PPP1R12A: variants seen among roughly 807,000 people sequenced by gnomAD.
PPP1R12A encodes protein phosphatase 1 regulatory subunit 12A, also known as myosin binding subunit.
In PPP1R12A, 19 loss-of-function variants were observed where a neutral mutation model predicts 139.6. The ratio of observed to expected loss-of-function variants is 0.14; its 90% CI spans 0.09 to 0.20. The LOEUF is 0.20. Among genes scored for constraint, PPP1R12A ranks in the 10% least tolerant of loss-of-function variants. The probability of loss-of-function intolerance (pLI) is 1.00; values close to 1 mark genes in which losing one functional copy is unlikely to be tolerated. For synonymous variants in PPP1R12A, 427 were observed against 420.6 expected (o/e 1.02, Z -0.19); for missense variants, 925 against 1,211.5 (o/e 0.76, Z 3.51).
chr12:79,819,571 T>C (rs1207468604), intron 8 of PPP1R12A: 1 of 152,214 alleles, frequency 6.6e-6, no homozygotes, highest in Non-Finnish European at 1.5e-5. Context: ...CATAGTTTAA[T>C]TTGTAATGAT....
chr12:79,795,520 T>C (rs1387886575), intron 18 of PPP1R12A, 118 bp downstream of exon 18: 4 of 1,089,714 alleles, frequency 3.7e-6, no homozygotes, highest in Non-Finnish European at 5.1e-6. Flanking sequence ...GAAAACACAG[T>C]GATGATTTAA....
chr12:79,855,658 C>T (rs1042366236), intron 2 of PPP1R12A, among the ~76,000 whole-genome samples: 1 of 151,662 alleles, frequency 6.6e-6, no homozygotes, highest in Non-Finnish European at 1.5e-5. Flanking sequence ...ACACTCCCAC[C>T]AGGTCTGGGA....
intron 1 of PPP1R12A, among the ~76,000 whole-genome samples, chr12:79,928,021 A>G (rs1244913174): frequency 6.6e-6 from 1 of 152,260 alleles, no homozygotes; most frequent in Non-Finnish European, 1.5e-5. Context: ...GGTAGTAACA[A>G]AACAACGTTT....
chr12:79,852,096 A>G (rs144650455), intron 2 of PPP1R12A, among the ~76,000 whole-genome samples: 10 of 152,042 alleles, frequency 6.6e-5, no homozygotes, highest in Non-Finnish European at 1.2e-4. Flanking sequence ...GATAATTTTA[A>G]TATCTGTTAT....
intron 2 of PPP1R12A, among the ~76,000 whole-genome samples, chr12:79,851,641 T>C (rs909045132): frequency 6.6e-6 from 1 of 152,242 alleles, no homozygotes; most frequent in Non-Finnish European, 1.5e-5. Context: ...AGGAGTTTGC[T>C]AGGTTTCTTA....
chr12:79,909,355 G>C (rs974935408), intron 1 of PPP1R12A, among the ~76,000 whole-genome samples: 2 of 152,102 alleles, frequency 1.3e-5, no homozygotes, highest in Non-Finnish European at 2.9e-5. Context: ...AAGTCTCAAA[G>C]ATGTTAATTC....
At chr12:79,900,154 G>A (rs192312075) in intron 1 of PPP1R12A, among the ~76,000 whole-genome samples, 1 of 152,196 alleles carries the variant, frequency 6.6e-6, no homozygotes, top group African/African-American at 2.4e-5. Context: ...TTTCCTGTTT[G>A]GATAAGCCAG....
intron 3 of PPP1R12A, among the ~76,000 whole-genome samples, 190 bp downstream of exon 3, chr12:79,845,112 T>G (rs1234382590): frequency 6.6e-6 from 1 of 152,198 alleles, no homozygotes; most frequent in Non-Finnish European, 1.5e-5. Flanking sequence ...TCTTTTAACT[T>G]TAAAAATACT....
At position 79,832,387 on chromosome 12, in the gene PPP1R12A, A is replaced by G. The variant is rs769041716; in HGVS notation, c.592T>C (p.Ser198Pro). ...GCAACGTGAAGTGCTGTACCTCCAG[A>G]TTTTGCATGCCGGACATCATTTATA... ...GHINDVRHAK[S>P]GGTALHVAAA... The change falls in exon 4 of 25, where the codon TCT becomes CCT. Residue 198 changes from serine to proline, a missense_variant. This residue lies in a region of PPP1R12A where 199 missense variants were observed against 352.4 expected (regional missense o/e 0.56). Transcript: ENST00000450142. The G allele has an allele frequency of 1.2e-6, 2 of 1,613,592 alleles. No individual in the cohort carries two copies. The highest frequency in any genetic ancestry group is 1.7e-6 in the Non-Finnish European group (2 of 1,179,678).
At chr12:79,848,773 TAAAC>T (rs901098565) in intron 2 of PPP1R12A, 2 of 151,990 alleles carry the variant, frequency 1.3e-5, no homozygotes, top group South Asian at 2.1e-4. Context: ...TAAATAATAA[TAAAC>T]AAAATCTCAC....
At chr12:79,800,733 C>CTT (rs34522404) in intron 14 of PPP1R12A, among the ~76,000 whole-genome samples, 6 of 137,106 alleles carry the variant, frequency 4.4e-5, no homozygotes, top group East Asian at 2.2e-4. Flanking sequence ...TCAAATGCTA[C>CTT]TTTTTTTTTT....
At chr12:79,789,731 A>G (rs1488564080) in intron 20 of PPP1R12A, 29 of 422,900 alleles carry the variant, frequency 6.9e-5, no homozygotes, top group South Asian at 5.0e-4. Flanking sequence ...AATCAAGGAT[A>G]TAGTGGAGGT....
chr12:79,802,275 C>G (rs552532880), intron 14 of PPP1R12A, among the ~76,000 whole-genome samples: 1 of 152,164 alleles, frequency 6.6e-6, no homozygotes, highest in African/African-American at 2.4e-5. Flanking sequence ...TCCTCCACCC[C>G]TGACCCATTT....
chr12:79,869,219 A>G (rs978683909), intron 2 of PPP1R12A, among the ~76,000 whole-genome samples: 2 of 152,172 alleles, frequency 1.3e-5, no homozygotes, highest in Non-Finnish European at 2.9e-5. Flanking sequence ...CTACCTATTC[A>G]CTTGGCTTCT....
chr12:79,920,975 T>C (rs968604404), intron 1 of PPP1R12A, among the ~76,000 whole-genome samples: 3 of 152,238 alleles, frequency 2.0e-5, no homozygotes, highest in African/African-American at 4.8e-5. Context: ...GCCATCCTAG[T>C]AGGTGTGAAC....
In PPP1R12A at chr12:79,855,794, G is replaced by T. The variant is rs115884647; in HGVS notation, c.369-10374C>A. Among the ~76,000 whole-genome samples the T allele has an allele frequency of 9.7e-3, 1,478 of 151,892 alleles. 19 individuals are homozygous for T. Among genetic ancestry groups the T allele is most frequent in the African/African-American group, 0.034 (1,421 of 41,456 alleles). On this transcript the variant is annotated intron_variant, in intron 2 of 24. Coordinates refer to ENST00000450142, the MANE Select transcript of PPP1R12A (RefSeq NM_002480.3). ...TGCAGGTCATTATCTGTTGCCAAAT[G>T]TGCCTACAACAAACTTAAAATTTAT...
chr12:79,860,628 T>G (rs1451135320), intron 2 of PPP1R12A, among the ~76,000 whole-genome samples: 1 of 152,190 alleles, frequency 6.6e-6, no homozygotes, highest in Non-Finnish European at 1.5e-5. Context: ...TTTTTAAACT[T>G]TTTTTATAGG....
At chr12:79,826,414 C>T (rs1876777859) in intron 5 of PPP1R12A, among the ~76,000 whole-genome samples, 2 of 145,840 alleles carry the variant, frequency 1.4e-5, no homozygotes, top group African/African-American at 5.1e-5. Flanking sequence ...CCATGACTCA[C>T]TGCAGCCTTG....
At chr12:79,870,917 TG>T (rs1164284170) in intron 2 of PPP1R12A, among the ~76,000 whole-genome samples, 1 of 152,206 alleles carries the variant, frequency 6.6e-6, no homozygotes, top group East Asian at 1.9e-4. Flanking sequence ...CTTCAGCAAC[TG>T]GAGGGCTCTC....
Sources: allele counts gnomAD v4.1 joint callset (sites outside exome capture counted in the v4.1 genomes callset), GRCh38; gene constraint gnomAD v4.1.1; regional missense constraint gnomAD v4.1.1; transcripts MANE v1.5; gene names NCBI Gene and HGNC (gene_info 2026-07-23, HGNC 2026-07-21).